Variants in SH3BP2 observed in about 807,000 individuals in gnomAD.
SH3BP2 encodes the protein SH3 domain binding protein 2, also known as SH3 domain-binding protein 2.
A neutral mutation model predicts 56.2 loss-of-function variants in SH3BP2; 38 were observed. The observed-to-expected ratio is 0.68, with a 90% CI of 0.52 to 0.89. SH3BP2 has a LOEUF of 0.89. Among genes scored for constraint, SH3BP2 ranks in the 40% least tolerant of loss-of-function variants. The probability of loss-of-function intolerance (pLI) is 0.00; values close to 1 mark genes in which losing one functional copy is unlikely to be tolerated. For synonymous variants in SH3BP2, 346 were observed against 316.7 expected, an observed-to-expected ratio of 1.09 and a Z score of -0.98; for missense variants, 748 against 762.6, an observed-to-expected ratio of 0.98 and a Z score of 0.23.
At chr4:2,798,891 G>A in intron 1 of SH3BP2, 1 of 807,436 alleles carries the variant, frequency 1.2e-6, no homozygotes, top group Non-Finnish European at 1.5e-6. Flanking sequence ...TCTGGGCAGG[G>A]CAGGGACAGG....
At chr4:2,814,021 C>T (rs1248945954) in intron 1 of SH3BP2, among the ~76,000 whole-genome samples, 1 of 152,218 alleles carries the variant, frequency 6.6e-6, no homozygotes. Context: ...AACAGTAAGT[C>T]CTTGACCCTG....
chr4:2,832,527 G>A, intron 11 of SH3BP2, 115 bp downstream of exon 11: 2 of 809,520 alleles, frequency 2.5e-6, no homozygotes, highest in South Asian at 1.4e-5. Flanking sequence ...CTCTTACTTG[G>A]TGTCTCAGCT....
intron 5 of SH3BP2, 63 bp downstream of exon 5, chr4:2,825,259 G>C: frequency 7.4e-7 from 1 of 1,346,674 alleles, no homozygotes; most frequent in South Asian, 1.3e-5. Flanking sequence ...GCCTGACCCG[G>C]GTGTCCGCCT....
chr4:2,812,730 C>T (rs909767005), intron 1 of SH3BP2, among the ~76,000 whole-genome samples: 2 of 136,734 alleles, frequency 1.5e-5, no homozygotes, highest in African/African-American at 2.4e-5. Flanking sequence ...GAACCCCCCC[C>T]ACCCCCCCAT....
chr4:2,824,494 T>C (rs1724483070), intron 3 of SH3BP2, 119 bp from the exon 4 acceptor site: 1 of 785,586 alleles, frequency 1.3e-6, no homozygotes, highest in East Asian at 2.5e-5. Context: ...GCCCACCCGA[T>C]CTGCCCTCTT....
chr4:2,797,333 G>A (rs780255422), intron 1 of SH3BP2, among the ~76,000 whole-genome samples: 7 of 152,184 alleles, frequency 4.6e-5, no homozygotes, highest in Non-Finnish European at 5.9e-5. Flanking sequence ...CACCCACCCT[G>A]GTTTCTGCCT....
chr4:2,795,561 C>T (rs1028923618), intron 1 of SH3BP2, among the ~76,000 whole-genome samples: 44 of 152,262 alleles, frequency 2.9e-4, no homozygotes, highest in African/African-American at 1.0e-3. Flanking sequence ...GGCAGGCTGG[C>T]GGGGAAAAGA....
At chr4:2,806,584 T>G (rs1406876948) in intron 1 of SH3BP2, among the ~76,000 whole-genome samples, 2 of 151,706 alleles carry the variant, frequency 1.3e-5, no homozygotes, top group Non-Finnish European at 2.9e-5. Context: ...TCGCCTTGCC[T>G]CACTTCACTG....
At chr4:2,799,306 G>A in intron 1 of SH3BP2, 1 of 985,564 alleles carries the variant, frequency 1.0e-6, no homozygotes, top group African/African-American at 1.7e-5. Flanking sequence ...GCCTAATGAG[G>A]TGGGATGGGG....
Position 2,833,782 on chromosome 4 carries a change from GC to G in SH3BP2, c.1636del (p.His546ThrfsTer59). ...VEHYHTHVLP[S>X]HQSLLLRHPY... ...CACTACCACACCCACGTGCTGCCCA[GC>G]CACCAGAGCCTGCTGCTGCGGCACC... On this transcript the variant is annotated frameshift_variant, in exon 13 of 13. Transcript: ENST00000503393. LOFTEE classifies it high-confidence loss of function. 9 of 1,598,064 alleles carry G rather than the reference GC, an allele frequency of 5.6e-6. No individual in the cohort carries two copies. Among genetic ancestry groups the G allele is most frequent in the Non-Finnish European group, 7.7e-6 (9 of 1,172,358 alleles).
At chr4:2,795,867 C>T (rs1723043781) in intron 1 of SH3BP2, among the ~76,000 whole-genome samples, 1 of 152,202 alleles carries the variant, frequency 6.6e-6, no homozygotes, top group Non-Finnish European at 1.5e-5. Context: ...GCGGCTCCTC[C>T]CCAGAAGGCC....
In SH3BP2 at chr4:2,833,602, G is replaced by A. The variant is rs1180552033; in HGVS notation, c.1549-95G>A. ...GGGCCAGCCTGGTGATGCCGCTGTTGATGCTGCTGCCTTGTTTTACAGACG... is the reference window on the plus strand; with the variant it reads ...GGGCCAGCCTGGTGATGCCGCTGTTAATGCTGCTGCCTTGTTTTACAGACG... On this transcript the variant is annotated intron_variant, in intron 12 of 12. Coordinates refer to ENST00000503393, the MANE Select transcript of SH3BP2 (RefSeq NM_001122681.2). 2.0e-6 allele frequency: 3 copies of A among 1,509,324 alleles called. No homozygotes were observed. In the African/African-American group the frequency reaches 4.1e-5, roughly 21 times the overall value. The allele number at this position is 1,509,324 out of a possible 1,614,324, so 93.5% of individuals were successfully genotyped here.
At chr4:2,825,905 T>C (rs529557504) in intron 5 of SH3BP2, among the ~76,000 whole-genome samples, 5 of 152,318 alleles carry the variant, frequency 3.3e-5, no homozygotes, top group Admixed American at 1.3e-4. Flanking sequence ...GCAGATACTC[T>C]CTGGATTGGG....
chr4:2,819,104 A>G (rs1412129901), intron 1 of SH3BP2: 2 of 161,404 alleles, frequency 1.2e-5, no homozygotes, highest in African/African-American at 4.8e-5. Context: ...ATTATTTTTT[A>G]GAGATGGTTG....
intron 11 of SH3BP2, among the ~76,000 whole-genome samples, chr4:2,832,754 G>A (rs371434575): frequency 6.6e-6 from 1 of 152,174 alleles, no homozygotes; most frequent in Non-Finnish European, 1.5e-5. Context: ...ATGCTCTCCC[G>A]GGTGTGTCGG....
At chr4:2,807,690 A>C (rs1293339007) in intron 1 of SH3BP2, among the ~76,000 whole-genome samples, 1 of 152,178 alleles carries the variant, frequency 6.6e-6, no homozygotes, top group African/African-American at 2.4e-5. Flanking sequence ...CACCCCATCC[A>C]CGTGGACAGG....
chr4:2,833,052 G>C lies in SH3BP2; in HGVS notation c.1548+3G>C. The C allele has an allele frequency of 1.2e-6, 2 of 1,614,084 alleles. No homozygotes were observed. The highest frequency in any genetic ancestry group is 1.7e-6 in the Non-Finnish European group (2 of 1,179,916). On this transcript the variant is annotated splice_donor_region_variant and intron_variant, in intron 12 of 12. Transcript: ENST00000503393. ...GGAACTATCGCATTTTTGAGAAGGT[G>C]AGAGGGCTCTGAGTGGGACGGGGAC...
intron 1 of SH3BP2, among the ~76,000 whole-genome samples, chr4:2,814,656 C>T (rs1258113767): frequency 6.6e-6 from 1 of 152,220 alleles, no homozygotes; most frequent in Non-Finnish European, 1.5e-5. Context: ...CATGTGTCTC[C>T]AGAGCCCTGC....
chr4:2,803,790 C>T lies in SH3BP2; in HGVS notation c.-5+10652C>T, dbSNP rs1407971055. ...TATGTAATCCCATGCTTGGCTAACT[C>T]ATGTGGAAGATTGCTCCCAGGACGC... On this transcript the variant is annotated intron_variant, in intron 1 of 12. Coordinates refer to ENST00000503393, the MANE Select transcript of SH3BP2 (RefSeq NM_001122681.2). 2.0e-5 allele frequency among the ~76,000 whole-genome samples: 3 copies of T among 152,178 alleles called. No homozygotes were observed. The East Asian group carries it at 5.8e-4, about 29-fold the overall frequency.
Sources: allele counts gnomAD v4.1 joint callset (sites outside exome capture counted in the v4.1 genomes callset), GRCh38; gene constraint gnomAD v4.1.1; transcripts MANE v1.5; gene names NCBI Gene and HGNC (gene_info 2026-07-23, HGNC 2026-07-21).